Variants in SIK3 observed in about 807,000 individuals in gnomAD.
SIK3 encodes SIK family kinase 3, also known as serine/threonine-protein kinase SIK3.
In SIK3, 28 loss-of-function variants were observed where a neutral mutation model predicts 144.2. The ratio of observed to expected loss-of-function variants is 0.19; its 90% CI spans 0.14 to 0.27. The LOEUF (loss-of-function observed/expected upper bound fraction) is 0.27, where lower values mean the gene tolerates loss of function less well. SIK3 is among the 10% of genes least tolerant of loss of function. The pLI is 1.00. For missense variants in SIK3, 1,319 were observed against 1,776.0 expected (o/e 0.74, Z 4.62); for synonymous variants, 686 against 676.3 (o/e 1.01, Z -0.22).
chr11:117,080,723 G>T (rs1042308336), intron 1 of SIK3, among the ~76,000 whole-genome samples: 14 of 152,112 alleles, frequency 9.2e-5, no homozygotes, highest in African/African-American at 2.9e-4. Context: ...TGAGGCAGGG[G>T]GATCACTCAA....
rs539642068 is a variant in SIK3, at chr11:117,071,425, A to G, written c.273+26718T>C. ...GAACCTTGAAGGCAGGGCAGACTAG[A>G]TAAGTAACACTAGGATAAACTGCAA... On this transcript the variant is annotated intron_variant, in intron 1 of 24. Transcript: ENST00000445177. 2.0e-5 allele frequency among the ~76,000 whole-genome samples: 3 copies of G among 151,940 alleles called. No individual in the cohort carries two copies. The South Asian group carries it at 6.2e-4, about 32-fold the overall frequency.
intron 1 of SIK3, among the ~76,000 whole-genome samples, chr11:117,072,999 G>A (rs1208022652): frequency 6.6e-6 from 1 of 152,166 alleles, no homozygotes; most frequent in Non-Finnish European, 1.5e-5. Context: ...AAGAATTCAT[G>A]ATTATGTTGA....
At chr11:117,093,250 G>A (rs760563825) in intron 1 of SIK3, among the ~76,000 whole-genome samples, 2 of 152,116 alleles carry the variant, frequency 1.3e-5, no homozygotes, top group African/African-American at 4.8e-5. Flanking sequence ...CATGTGCTTC[G>A]TTAAACTCTT....
intron 1 of SIK3, among the ~76,000 whole-genome samples, chr11:117,019,770 C>T (rs892796475): frequency 2.6e-5 from 4 of 152,058 alleles, no homozygotes; most frequent in Middle Eastern, 6.8e-3. Flanking sequence ...CGTGCCACCA[C>T]GCCCGGCTAA....
chr11:117,083,178 T>A (rs1444660514), intron 1 of SIK3, among the ~76,000 whole-genome samples: 1 of 152,142 alleles, frequency 6.6e-6, no homozygotes, highest in African/African-American at 2.4e-5. Flanking sequence ...AGAGCTCAAT[T>A]AGAGCAGGGC....
chr11:117,023,268 G>A (rs986231349), intron 1 of SIK3, among the ~76,000 whole-genome samples: 4 of 152,026 alleles, frequency 2.6e-5, no homozygotes, highest in Admixed American at 6.6e-5. Flanking sequence ...AAAGCACAGG[G>A]AGAAGTTGTT....
intron 1 of SIK3, among the ~76,000 whole-genome samples, chr11:117,070,759 T>C (rs1954236183): frequency 7.1e-6 from 1 of 141,138 alleles, no homozygotes; most frequent in African/African-American, 2.5e-5. Context: ...TTTCTTTTTT[T>C]TTTTTTTTTT....
chr11:117,046,957 C>T (rs1460557534), intron 1 of SIK3, among the ~76,000 whole-genome samples: 2 of 152,278 alleles, frequency 1.3e-5, no homozygotes, highest in South Asian at 2.1e-4. Flanking sequence ...AATCTGATAT[C>T]CCCCATCCTA....
intron 6 of SIK3, among the ~76,000 whole-genome samples, chr11:116,891,806 C>A (rs1359084740): frequency 6.6e-6 from 1 of 151,966 alleles, no homozygotes; most frequent in Non-Finnish European, 1.5e-5. Context: ...AGCCAGGAAT[C>A]CATATAATTG....
intron 13 of SIK3, among the ~76,000 whole-genome samples, chr11:116,871,426 G>C (rs779435638): frequency 5.9e-5 from 9 of 152,226 alleles, no homozygotes; most frequent in Non-Finnish European, 5.9e-5. Context: ...GGCAGGAGAG[G>C]AACGCTGTGG....
At chr11:117,056,132 A>G (rs578205848) in intron 1 of SIK3, among the ~76,000 whole-genome samples, 1 of 152,320 alleles carries the variant, frequency 6.6e-6, no homozygotes, top group African/African-American at 2.4e-5. Flanking sequence ...GGATTAGTTA[A>G]TAAAACAAAG....
chr11:116,916,829 G>A (rs1412299338), intron 4 of SIK3, among the ~76,000 whole-genome samples: 2 of 151,856 alleles, frequency 1.3e-5, no homozygotes, highest in African/African-American at 2.4e-5. Context: ...TTTAGGTCAG[G>A]CACAGTGTCT....
chr11:117,068,994 T>C (rs1336438362), intron 1 of SIK3, among the ~76,000 whole-genome samples: 1 of 152,148 alleles, frequency 6.6e-6, no homozygotes, highest in Non-Finnish European at 1.5e-5. Context: ...ATAGCAGGGC[T>C]TGTTCTCTCA....
intron 3 of SIK3, among the ~76,000 whole-genome samples, chr11:116,930,065 T>C (rs563695565): frequency 1.3e-5 from 2 of 152,216 alleles, no homozygotes; most frequent in East Asian, 3.9e-4. Context: ...GGACTCTAAA[T>C]ACACTTACGG....
rs1955575394 is a variant in SIK3 at position 117,098,301 on chromosome 11, C to G, written c.115G>C (p.Ala39Pro). ...TGGCCGGCCGCAGGGGACACGGCAG[C>G]GGGGGCGGCTGGGGACCCCGGCGCG... Reference protein sequence around the residue: ...PPAPGSPAAPAAVSPAAGQPR... With the variant: ...PPAPGSPAAPPAVSPAAGQPR... The change falls in exon 1 of 25, where the codon GCT becomes CCT. Residue 39 changes from alanine to proline, a missense_variant. Ala to Pro is a conservative substitution (Grantham distance 27). Around this residue, in one of 8 missense-constraint regions of SIK3, gnomAD observed 114 missense variants for 116.2 expected, o/e 0.98. Transcript: ENST00000445177. 8.4e-7 allele frequency: 1 copy of G among 1,188,382 alleles called. No individual in the cohort carries two copies. The highest frequency in any genetic ancestry group is 1.6e-5 in the African/African-American group (1 of 61,928). The allele number at this position is 1,188,382 out of a possible 1,614,324, so 73.6% of individuals were successfully genotyped here. A position where few individuals can be genotyped will look rare whatever the true frequency, so the allele number is the denominator to read the frequency against.
At chr11:116,996,620 G>C (rs376763080) in intron 1 of SIK3, among the ~76,000 whole-genome samples, 1 of 151,992 alleles carries the variant, frequency 6.6e-6, no homozygotes, top group South Asian at 2.1e-4. Context: ...AGGAATTCAA[G>C]ACCAGCCTGG....
intron 1 of SIK3, among the ~76,000 whole-genome samples, chr11:117,028,151 A>G (rs1398297126): frequency 6.6e-6 from 1 of 152,180 alleles, no homozygotes; most frequent in East Asian, 1.9e-4. Context: ...GGAGGGAAAC[A>G]ACCTGCTTAA....
intron 1 of SIK3, among the ~76,000 whole-genome samples, chr11:116,997,438 C>G (rs1387711064): frequency 6.6e-6 from 1 of 152,198 alleles, no homozygotes; most frequent in Non-Finnish European, 1.5e-5. Context: ...CATCTATGTA[C>G]CGTATTCTAT....
chr11:116,971,161 T>G (rs1181981905), intron 1 of SIK3, among the ~76,000 whole-genome samples: 1 of 152,210 alleles, frequency 6.6e-6, no homozygotes, highest in Admixed American at 6.5e-5. Flanking sequence ...TTCCCACTGT[T>G]AAAACTAAGA....
Sources: gnomAD v4.1 joint callset for allele counts (sites outside exome capture counted in the v4.1 genomes callset) on GRCh38, gnomAD v4.1.1 for gene constraint, gnomAD v4.1.1 regional missense constraint, MANE v1.5 for transcripts, NCBI Gene and HGNC (gene_info 2026-07-23, HGNC 2026-07-21) for gene names.